PPFIBP1: variants seen among roughly 807,000 people sequenced by gnomAD.
PPFIBP1 encodes the protein liprin-beta-1.
PPFIBP1 carries 112 observed loss-of-function variants against 137.8 expected under a neutral mutation model. The observed-to-expected ratio is 0.81, with a 90% CI of 0.70 to 0.95. PPFIBP1 has a LOEUF of 0.95. Ranked by LOEUF, PPFIBP1 falls within the 40% of genes least tolerant of loss-of-function variation. PPFIBP1 has a pLI of 0.00. For synonymous variants in PPFIBP1, 378 were observed against 417.3 expected, an observed-to-expected ratio of 0.91 and a Z score of 1.15; for missense variants, 1,083 against 1,196.6, an observed-to-expected ratio of 0.91 and a Z score of 1.40.
At chr12:27,664,941 A>C (rs2059772269) in intron 12 of PPFIBP1, among the ~76,000 whole-genome samples, 1 of 152,208 alleles carries the variant, frequency 6.6e-6, no homozygotes. Context: ...TAATCCCAGC[A>C]CTTTGGGAGG....
intron 1 of PPFIBP1, among the ~76,000 whole-genome samples, chr12:27,569,486 A>G (rs1280570675): frequency 6.6e-6 from 1 of 152,170 alleles, no homozygotes; most frequent in Non-Finnish European, 1.5e-5. Flanking sequence ...CTCTCTGTCA[A>G]AAAGTCTCCC....
At chr12:27,599,613 A>G in intron 2 of PPFIBP1, 1 of 410,238 alleles carries the variant, frequency 2.4e-6, no homozygotes, top group Non-Finnish European at 4.8e-6. Context: ...GTATCTCTAC[A>G]GAACCTAGAC....
chr12:27,587,495 C>T (rs1447127439), intron 2 of PPFIBP1, among the ~76,000 whole-genome samples: 5 of 151,486 alleles, frequency 3.3e-5, no homozygotes, highest in East Asian at 1.9e-4. Flanking sequence ...TGGTGGCGGG[C>T]GCCTGTAGTC....
intron 17 of PPFIBP1, among the ~76,000 whole-genome samples, chr12:27,676,122 G>GA (rs1283120813): frequency 6.6e-6 from 1 of 152,156 alleles, no homozygotes; most frequent in Non-Finnish European, 1.5e-5. Flanking sequence ...GTCTTTTGAG[G>GA]AATGAGGCAA....
At chr12:27,645,764 G>A (rs558707386) in intron 4 of PPFIBP1, among the ~76,000 whole-genome samples, 82 of 152,286 alleles carry the variant, frequency 5.4e-4, no homozygotes, top group African/African-American at 1.9e-3. Context: ...GCCTGCCCCT[G>A]GGTGTGTGTC....
intron 1 of PPFIBP1, among the ~76,000 whole-genome samples, chr12:27,568,676 T>C (rs2049892292): frequency 6.6e-6 from 1 of 152,182 alleles, no homozygotes; most frequent in South Asian, 2.1e-4. Context: ...TCTAGAAACT[T>C]CCTTCCTAAA....
Position 27,693,048 on chromosome 12 carries a change from GT to G in PPFIBP1, c.*168del, listed in dbSNP as rs577753666. On this transcript the variant is annotated 3_prime_UTR_variant, in exon 30 of 30. Transcript: ENST00000228425. ...GCAGGAGTAATGTGCCGATTCTGAA[GT>G]TGCCACAAAAAATAAGACACTGGTG... is the stretch of plus-strand genomic sequence containing the variant. 2.0e-4 allele frequency: 220 copies of G among 1,126,468 alleles called. No individual in the cohort carries two copies. In the African/African-American group the frequency reaches 3.2e-3, roughly 17 times the overall value. 69.8% of individuals were successfully genotyped at this position (1,126,468 alleles called of 1,614,324 possible). A position where few individuals can be genotyped will look rare whatever the true frequency, so the allele number is the denominator to read the frequency against.
chr12:27,654,759 T>C lies in PPFIBP1; in HGVS notation c.641T>C (p.Val214Ala). Residue 214 changes from valine to alanine, a missense_variant, in exon 8 of 30, where the codon GTT becomes GCT. Physicochemically the swap from Val to Ala is moderately conservative, Grantham distance 64. Coordinates refer to ENST00000228425, the MANE Select transcript of PPFIBP1 (RefSeq NM_003622.4). ...GAGATCAATGATTTGAGGTTAAAAG[T>C]TAGTGAAATGGACAGTGAGAGACTT... ...IQEINDLRLKVSEMDSERLQY... is the reference protein window; with the variant it reads ...IQEINDLRLKASEMDSERLQY... 1 of 1,611,782 alleles carries C rather than the reference T, an allele frequency of 6.2e-7. No homozygotes were observed. The highest frequency in any genetic ancestry group is 8.5e-7 in the Non-Finnish European group (1 of 1,179,528).
intron 1 of PPFIBP1, chr12:27,552,463 G>T (rs1946873130): frequency 6.6e-6 from 1 of 152,326 alleles, no homozygotes; most frequent in Non-Finnish European, 1.5e-5. Flanking sequence ...TGGTTAGTTT[G>T]AGAGAGGTTC....
intron 2 of PPFIBP1, among the ~76,000 whole-genome samples, chr12:27,597,432 G>A (rs2053451161): frequency 6.6e-6 from 1 of 152,160 alleles, no homozygotes; most frequent in Admixed American, 6.5e-5. Context: ...GGGATTACAG[G>A]CGTGAGCCAC....
At position 27,679,520 on chromosome 12, in the gene PPFIBP1, A is replaced by T; in HGVS notation, c.1647A>T (p.Leu549=). The T allele has an allele frequency of 6.2e-7, 1 of 1,614,014 alleles. No individual in the cohort carries two copies. ...CAGAAAAAGAGACAGCAGAGCACCT[A>T]GATCTGGCTGGTGCTTCTTCTCGGC... ...AETEKETAEH[L]DLAGASSRPK... is the part of the protein sequence containing the mutation. The change falls in exon 20 of 30, where the codon CTA becomes CTT. Residue 549 remains leucine (L), a synonymous_variant. Transcript: ENST00000228425.
Position 27,680,052 on chromosome 12 carries a change from A to C in PPFIBP1, c.1886A>C (p.Gln629Pro). Residue 629 changes from glutamine (Q) to proline (P), a missense_variant, in exon 21 of 30, where the codon CAG becomes CCG. Transcript: ENST00000228425. ...PRLGWSRDLG[Q>P]SNSDLDMPFA... ...TTAGGTTGGTCTCGAGACTTGGGAC[A>C]GTCTAACAGGTAAGAAGAGCCAACT... 6.2e-7 allele frequency: 1 copy of C among 1,614,066 alleles called. No individual in the cohort carries two copies. The highest frequency in any genetic ancestry group is 8.5e-7 in the Non-Finnish European group (1 of 1,179,946).
intron 13 of PPFIBP1, 37 bp from the exon 14 acceptor site, chr12:27,671,394 T>TTGAA (rs914664818): frequency 5.0e-6 from 6 of 1,196,612 alleles, no homozygotes; most frequent in Non-Finnish European, 7.1e-6. Context: ...GTGTTTTGTT[T>TTGAA]TGATTGATTG....
intron 1 of PPFIBP1, among the ~76,000 whole-genome samples, chr12:27,568,781 T>C (rs1014861088): frequency 2.0e-5 from 3 of 152,202 alleles, no homozygotes; most frequent in African/African-American, 7.2e-5. Flanking sequence ...ACAGATGAAG[T>C]TCAACCATGA....
intron 2 of PPFIBP1, among the ~76,000 whole-genome samples, chr12:27,632,074 G>A (rs2057308545): frequency 6.6e-6 from 1 of 152,154 alleles, no homozygotes; most frequent in Non-Finnish European, 1.5e-5. Context: ...TTTTCATGCT[G>A]TAGTATTTCC....
intron 1 of PPFIBP1, chr12:27,552,657 A>G (rs923461172): frequency 6.6e-6 from 1 of 152,232 alleles, no homozygotes; most frequent in Non-Finnish European, 1.5e-5. Context: ...AACTCGGAAC[A>G]TAACTCATTT....
At chr12:27,570,781 C>T (rs1009614614) in intron 1 of PPFIBP1, among the ~76,000 whole-genome samples, 9 of 151,936 alleles carry the variant, frequency 5.9e-5, no homozygotes, top group Non-Finnish European at 1.3e-4. Context: ...GTTGTGGTGG[C>T]GGGCGCCTGT....
Position 27,684,404 on chromosome 12 carries a change from C to T in PPFIBP1, c.2247+1701C>T, listed in dbSNP as rs149893838. ...GATTACAGGCGTGAGCCACTGTGCCCGGCCTAAAATTCTTTTATTTAAACA... is the reference window on the plus strand; with the variant it reads ...GATTACAGGCGTGAGCCACTGTGCCTGGCCTAAAATTCTTTTATTTAAACA... On this transcript the variant is annotated intron_variant, in intron 24 of 29. Transcript: ENST00000228425. Among the ~76,000 whole-genome samples the T allele has an allele frequency of 4.9e-3, 749 of 152,234 alleles. 8 individuals are homozygous for T. Among genetic ancestry groups the T allele is most frequent in the African/African-American group, 0.017 (700 of 41,552 alleles).
intron 7 of PPFIBP1, 37 bp from the exon 8 acceptor site, chr12:27,654,685 A>G (rs1443901521): frequency 3.1e-6 from 5 of 1,598,130 alleles, no homozygotes; most frequent in Non-Finnish European, 4.3e-6. Context: ...CTGTGTTACC[A>G]CTTTCCTAAT....
Sources: allele counts gnomAD v4.1 joint callset (sites outside exome capture counted in the v4.1 genomes callset), GRCh38; gene constraint gnomAD v4.1.1; transcripts MANE v1.5; gene names NCBI Gene and HGNC (gene_info 2026-07-23, HGNC 2026-07-21).